Variants in OR13A1 observed in about 807,000 individuals in gnomAD.
The protein encoded by OR13A1 is olfactory receptor family 13 subfamily A member 1.
Under a neutral mutation model 7.5 loss-of-function variants are expected in OR13A1, and 10 were observed. The ratio of observed to expected loss-of-function variants is 1.34; its 90% confidence interval spans 0.83 to 2.27. The LOEUF is 2.27. Ranked by LOEUF, OR13A1 falls within the 30% of genes most tolerant of loss-of-function variation. OR13A1 has a pLI of 0.00. For synonymous variants in OR13A1, 238 were observed against 177.9 expected (o/e 1.34, Z -2.69); for missense variants, 509 against 419.1 (o/e 1.21, Z -1.87).
intron 1 of OR13A1, among the ~76,000 whole-genome samples, chr10:45,313,299 A>T (rs1022234494): frequency 6.9e-6 from 1 of 144,274 alleles, no homozygotes; most frequent in Non-Finnish European, 1.5e-5. Context: ...ACAAAAGGAA[A>T]CAGGAAGGGA....
chr10:45,307,535 A>G lies in OR13A1; in HGVS notation c.-122T>C, dbSNP rs769714434. 6.6e-6 allele frequency: 1 copy of G among 152,234 alleles called. No homozygotes were observed. Among genetic ancestry groups the G allele is most frequent in the Non-Finnish European group, 1.5e-5 (1 of 68,038 alleles). 9.4% of individuals were successfully genotyped at this position (152,234 alleles called of 1,614,324 possible). A position where few individuals can be genotyped will look rare whatever the true frequency, so the allele number is the denominator to read the frequency against. On this transcript the variant is annotated 5_prime_UTR_variant, in exon 3 of 4. Coordinates refer to ENST00000553795, the MANE Select transcript of OR13A1 (RefSeq NM_001004297.3). ...TCCTCTTTCCATGAGAATGACCACA[A>G]GATTTCTTTACAGCCTCAGCCAGTC...
chr10:45,310,676 T>C (rs781674740), intron 1 of OR13A1, among the ~76,000 whole-genome samples: 20 of 151,920 alleles, frequency 1.3e-4, no homozygotes, highest in Non-Finnish European at 2.2e-4. Context: ...GAACTAGAGA[T>C]AAGGAACTTA....
intron 1 of OR13A1, among the ~76,000 whole-genome samples, chr10:45,308,305 G>T (rs1838377878): frequency 6.6e-6 from 1 of 152,198 alleles, no homozygotes; most frequent in Non-Finnish European, 1.5e-5. Flanking sequence ...GTCACACAGA[G>T]TATTAGTGAC....
At chr10:45,304,629 C>G in intron 3 of OR13A1, 195 bp from the exon 4 acceptor site, 1 of 559,406 alleles carries the variant, frequency 1.8e-6, no homozygotes, top group Admixed American at 3.4e-5. Context: ...ACTCATGAAG[C>G]ATCATTCAAC....
intron 2 of OR13A1, 36 bp from the exon 3 acceptor site, chr10:45,307,603 C>A (rs1838359638): frequency 1.3e-5 from 2 of 152,210 alleles, no homozygotes; most frequent in African/African-American, 4.8e-5. Context: ...CCTTGAGTTT[C>A]ATAGGGCATT....
intron 3 of OR13A1, among the ~76,000 whole-genome samples, chr10:45,305,317 A>G (rs1588941848): frequency 1.3e-5 from 2 of 152,188 alleles, no homozygotes; most frequent in Non-Finnish European, 2.9e-5. Context: ...TTTTTAAAAA[A>G]AAAATTAAAA....
chr10:45,314,087 G>A (rs145930864), intron 1 of OR13A1, among the ~76,000 whole-genome samples: 2 of 152,038 alleles, frequency 1.3e-5, no homozygotes, highest in African/African-American at 4.8e-5. Flanking sequence ...CATAAAACTA[G>A]ACATCAGTAG....
chr10:45,314,620 C>G (rs550416330), intron 1 of OR13A1, among the ~76,000 whole-genome samples: 2 of 151,726 alleles, frequency 1.3e-5, no homozygotes, highest in East Asian at 3.9e-4. Flanking sequence ...AAAAAATCAA[C>G]AAAACTAAGA....
At chr10:45,309,268 G>A (rs754998772) in intron 1 of OR13A1, among the ~76,000 whole-genome samples, 10 of 152,106 alleles carry the variant, frequency 6.6e-5, no homozygotes, top group Non-Finnish European at 1.2e-4. Flanking sequence ...CATGGAAGGC[G>A]AGGCATGGAG....
In OR13A1 at chr10:45,304,343, A is replaced by G; in HGVS notation, c.80T>C (p.Val27Ala). 6.2e-7 allele frequency: 1 copy of G among 1,614,178 alleles called. No individual in the cohort carries two copies. Among genetic ancestry groups the G allele is most frequent in the Non-Finnish European group, 8.5e-7 (1 of 1,180,024 alleles). The change falls in exon 4 of 4, where the codon GTA becomes GCA. Residue 27 changes from valine (V) to alanine (A), a missense_variant. Val to Ala is a moderately conservative substitution (Grantham distance 64, BLOSUM62 0). Coordinates refer to ENST00000553795, the MANE Select transcript of OR13A1 (RefSeq NM_001004297.3). ...SPRMMSNQTL[V>A]TEFILQGFSE... ...AAAGCCCTGCAGGATGAACTCGGTT[A>G]CCAACGTCTGGTTACTCATCATCCT...
chr10:45,313,471 G>A (rs569215459), intron 1 of OR13A1, among the ~76,000 whole-genome samples: 1 of 152,076 alleles, frequency 6.6e-6, no homozygotes, highest in African/African-American at 2.4e-5. Flanking sequence ...TTAAACTCCT[G>A]AATCAAAAGA....
intron 1 of OR13A1, among the ~76,000 whole-genome samples, chr10:45,313,638 ATAGACT>A (rs1199050284): frequency 6.6e-6 from 1 of 152,136 alleles, no homozygotes; most frequent in Non-Finnish European, 1.5e-5. Flanking sequence ...ATCCAACAAA[ATAGACT>A]TAAAGTCAAA....
At chr10:45,304,852 A>G (rs1838293986) in intron 3 of OR13A1, among the ~76,000 whole-genome samples, 1 of 152,252 alleles carries the variant, frequency 6.6e-6, no homozygotes, top group Admixed American at 6.5e-5. Context: ...AGCACTATTT[A>G]TAATAGTGGA....
Position 45,303,713 on chromosome 10 carries a change from C to T in OR13A1, c.710G>A (p.Gly237Asp). The T allele has an allele frequency of 5.0e-6, 8 of 1,614,204 alleles. No homozygotes were observed. The highest frequency in any genetic ancestry group is 6.8e-6 in the Non-Finnish European group (8 of 1,180,046). Residue 237 changes from glycine to aspartate, a missense_variant, in exon 4 of 4, where the codon GGC becomes GAC. By Grantham distance (94) the Gly-to-Asp change is moderately conservative. Coordinates refer to ENST00000553795, the MANE Select transcript of OR13A1 (RefSeq NM_001004297.3). ...CTTCAGGATGCTGGAGACGATGAAG[C>T]CATAGGACGCGATGGTCATCAGGAA... ...VNFLMTIASY[G>D]FIVSSILKVK... is the part of the protein sequence containing the mutation.
chr10:45,311,659 A>G (rs1009299383), intron 1 of OR13A1, among the ~76,000 whole-genome samples: 5 of 152,176 alleles, frequency 3.3e-5, no homozygotes, highest in African/African-American at 1.2e-4. Context: ...AAAGAGAGGA[A>G]CAATAAACAC....
chr10:45,310,558 G>A (rs1178822612), intron 1 of OR13A1, among the ~76,000 whole-genome samples: 1 of 152,168 alleles, frequency 6.6e-6, no homozygotes, highest in Non-Finnish European at 1.5e-5. Context: ...GCTTCACCTA[G>A]CTGCCAGGGA....
intron 3 of OR13A1, 47 bp downstream of exon 3, chr10:45,307,379 A>G (rs1314171998): frequency 6.6e-6 from 1 of 152,248 alleles, no homozygotes; most frequent in Non-Finnish European, 1.5e-5. Context: ...GGAAATTTCC[A>G]CAAATGTATT....
intron 1 of OR13A1, among the ~76,000 whole-genome samples, chr10:45,308,477 G>A (rs1325473751): frequency 6.6e-6 from 1 of 152,196 alleles, no homozygotes; most frequent in African/African-American, 2.4e-5. Flanking sequence ...TAAGGCTGGG[G>A]TGTGGAATGT....
intron 3 of OR13A1, among the ~76,000 whole-genome samples, chr10:45,304,890 G>A (rs1252479077): frequency 2.0e-5 from 3 of 152,100 alleles, no homozygotes; most frequent in Non-Finnish European, 4.4e-5. Context: ...ACCCTTAAAC[G>A]TGAGTATATT....
Sources: gnomAD v4.1 joint callset for allele counts (sites outside exome capture counted in the v4.1 genomes callset) on GRCh38, gnomAD v4.1.1 for gene constraint, MANE v1.5 for transcripts, NCBI Gene and HGNC (gene_info 2026-07-23, HGNC 2026-07-21) for gene names.